The following PDE4D variants were observed in gnomAD, a reference collection of about 807,000 sequenced individuals.
The protein encoded by PDE4D is phosphodiesterase 4D, also known as 3',5'-cyclic-AMP phosphodiesterase 4D.
PDE4D carries 24 observed loss-of-function variants against 87.4 expected under a neutral mutation model. The observed-to-expected ratio is 0.27, with a 90% confidence interval of 0.20 to 0.39. The LOEUF is 0.39. Among genes scored for constraint, PDE4D ranks in the 10% least tolerant of loss-of-function variants. The pLI, the probability that PDE4D is intolerant of heterozygous loss-of-function variation, is 1.00. For missense variants in PDE4D, 714 were observed against 1,041.0 expected (o/e 0.69, Z 4.32); for synonymous variants, 384 against 383.2 (o/e 1.00, Z -0.02).
At chr5:59,812,294 C>A (rs1768443406) in intron 1 of PDE4D, among the ~76,000 whole-genome samples, 1 of 152,116 alleles carries the variant, frequency 6.6e-6, no homozygotes, top group Non-Finnish European at 1.5e-5. Context: ...TCTGGCATGC[C>A]AAAAAGTTGC....
intron 1 of PDE4D, among the ~76,000 whole-genome samples, chr5:60,415,060 G>A (rs768671030): frequency 7.2e-5 from 11 of 152,230 alleles, no homozygotes; most frequent in Non-Finnish European, 1.6e-4. Flanking sequence ...CTCAACCTGG[G>A]TGAGACAACT....
At chr5:59,775,964 G>GT (rs1383239942) in intron 1 of PDE4D, among the ~76,000 whole-genome samples, 12 of 151,998 alleles carry the variant, frequency 7.9e-5, no homozygotes, top group African/African-American at 2.9e-4. Flanking sequence ...CAGTCATTCT[G>GT]TTTTTTGAAT....
At chr5:59,242,537 C>G (rs191422147) in intron 1 of PDE4D, among the ~76,000 whole-genome samples, 107 of 152,262 alleles carry the variant, frequency 7.0e-4, no homozygotes, top group Non-Finnish European at 1.2e-3. Context: ...TCAGAAGAGA[C>G]AGCAGGACAA....
At chr5:60,333,955 C>T (rs980678361) in intron 1 of PDE4D, among the ~76,000 whole-genome samples, 1 of 152,174 alleles carries the variant, frequency 6.6e-6, no homozygotes, top group African/African-American at 2.4e-5. Context: ...GGCTGTCACA[C>T]ACAAAAGCAC....
At chr5:59,746,039 A>T (rs111577302) in intron 1 of PDE4D, among the ~76,000 whole-genome samples, 42 of 152,316 alleles carry the variant, frequency 2.8e-4, no homozygotes, top group African/African-American at 1.0e-3. Flanking sequence ...TAAGAAAAGC[A>T]ATATCATTGT....
At chr5:59,302,007 G>C (rs541425540) in intron 1 of PDE4D, among the ~76,000 whole-genome samples, 1 of 152,110 alleles carries the variant, frequency 6.6e-6, no homozygotes, top group Non-Finnish European at 1.5e-5. Context: ...GCCTTCCTTC[G>C]GGGATATGTC....
chr5:59,128,489 C>T (rs1228772625), intron 5 of PDE4D, among the ~76,000 whole-genome samples: 1 of 151,982 alleles, frequency 6.6e-6, no homozygotes, highest in Non-Finnish European at 1.5e-5. Flanking sequence ...AGTTTGGGGG[C>T]AATTATTATG....
intron 3 of PDE4D, among the ~76,000 whole-genome samples, chr5:59,916,800 C>T (rs73099585): frequency 0.022 from 3,186 of 147,082 alleles, 113 homozygotes; most frequent in African/African-American, 0.075. Flanking sequence ...TTTTTTTTTT[C>T]TTTTTGAGAC....
chr5:59,897,771 T>C (rs567083341), upstream of PDE4D, among the ~76,000 whole-genome samples: 70 of 152,312 alleles, frequency 4.6e-4, no homozygotes, highest in African/African-American at 1.6e-3. Flanking sequence ...ATGGTCATCT[T>C]GATGCCCAAC....
intron 1 of PDE4D, among the ~76,000 whole-genome samples, chr5:60,442,687 T>C (rs1252543478): frequency 6.6e-6 from 1 of 151,762 alleles, no homozygotes; most frequent in African/African-American, 2.4e-5. Context: ...TGGGTAACAG[T>C]AGAAATCAGA....
intron 1 of PDE4D, among the ~76,000 whole-genome samples, chr5:60,404,312 G>A (rs556045651): frequency 6.6e-6 from 1 of 150,804 alleles, no homozygotes; most frequent in South Asian, 2.1e-4. Context: ...AGAATGGAAT[G>A]TTGAGCAACT....
chr5:59,128,763 A>G (rs763690641), intron 5 of PDE4D, among the ~76,000 whole-genome samples: 7 of 152,184 alleles, frequency 4.6e-5, no homozygotes, highest in Non-Finnish European at 7.3e-5. Flanking sequence ...TTATTAGGAG[A>G]TTAGGAGCAA....
intron 3 of PDE4D, among the ~76,000 whole-genome samples, chr5:59,911,644 G>C (rs1753450888): frequency 6.6e-6 from 1 of 152,132 alleles, no homozygotes; most frequent in Non-Finnish European, 1.5e-5. Context: ...AACCCACTGG[G>C]CAGTTACAGG....
chr5:59,614,888 G>A (rs1829467691), intron 1 of PDE4D, among the ~76,000 whole-genome samples: 1 of 150,750 alleles, frequency 6.6e-6, no homozygotes. Context: ...CCTGAGTGCA[G>A]TGGCACAGTC....
chr5:59,075,075 AACACACACACACAC>A (rs70973189), intron 5 of PDE4D, among the ~76,000 whole-genome samples: 123 of 129,880 alleles, frequency 9.5e-4, no homozygotes, highest in African/African-American at 1.9e-3. Context: ...AAGCTTACAA[AACACACACACACAC>A]ACACACACAC....
intron 3 of PDE4D, among the ~76,000 whole-genome samples, chr5:59,947,204 C>T (rs1477813531): frequency 6.6e-6 from 1 of 152,182 alleles, no homozygotes; most frequent in Admixed American, 6.5e-5. Context: ...AGTTTCCTTT[C>T]CTAAAGGGAA....
chr5:59,898,227 G>A (rs1386458669), upstream of PDE4D, among the ~76,000 whole-genome samples: 2 of 152,144 alleles, frequency 1.3e-5, no homozygotes, highest in South Asian at 2.1e-4. Context: ...AATCAATTTT[G>A]TAACTTTCTA....
chr5:59,133,906 C>T (rs3901540), intron 5 of PDE4D, among the ~76,000 whole-genome samples: 30,218 of 151,978 alleles, frequency 0.2, 3,720 homozygotes, highest in East Asian at 0.33. Context: ...AGAAAAATTG[C>T]TCACCCTTTC....
intron 5 of PDE4D, among the ~76,000 whole-genome samples, chr5:59,167,859 C>G (rs1418545063): frequency 6.6e-6 from 1 of 152,068 alleles, no homozygotes; most frequent in Non-Finnish European, 1.5e-5. Context: ...CTAAGCATAG[C>G]CTTTCACATA....
Sources: allele counts gnomAD v4.1 joint callset (sites outside exome capture counted in the v4.1 genomes callset), GRCh38; gene constraint gnomAD v4.1.1; transcripts MANE v1.5; gene names NCBI Gene and HGNC (gene_info 2026-07-23, HGNC 2026-07-21).